The following LHFPL3 variants were observed in gnomAD, a reference collection of about 807,000 sequenced individuals.
The protein encoded by LHFPL3 is LHFPL tetraspan subfamily member 3 protein.
A neutral mutation model predicts 19.3 loss-of-function variants in LHFPL3; 5 were observed. The ratio of observed to expected loss-of-function variants is 0.26; its 90% CI spans 0.14 to 0.54. LHFPL3 has a LOEUF of 0.54. LHFPL3 is among the 20% of genes least tolerant of loss of function. The probability of loss-of-function intolerance (pLI) is 0.94; values close to 1 mark genes in which losing one functional copy is unlikely to be tolerated. For missense variants in LHFPL3, 249 were observed against 307.4 expected, an observed-to-expected ratio of 0.81 and a Z score of 1.42; for synonymous variants, 133 against 126.2, an observed-to-expected ratio of 1.05 and a Z score of -0.36.
At chr7:104,469,966 G>C in intron 1 of LHFPL3, 1 of 455,888 alleles carries the variant, frequency 2.2e-6, no homozygotes. Flanking sequence ...TACGGAAATA[G>C]GTGGTTGCGC....
intron 1 of LHFPL3, among the ~76,000 whole-genome samples, chr7:104,560,976 A>G (rs1789983727): frequency 6.7e-6 from 1 of 149,850 alleles, no homozygotes; most frequent in Admixed American, 6.6e-5. Flanking sequence ...TTCAGTTTCC[A>G]TGTAGTTGAG....
At chr7:104,733,909 C>T (rs1168169511) in intron 1 of LHFPL3, among the ~76,000 whole-genome samples, 1 of 152,178 alleles carries the variant, frequency 6.6e-6, no homozygotes, top group Non-Finnish European at 1.5e-5. Context: ...TCTTGTAGGG[C>T]AGGCCTGGTG....
chr7:104,786,735 C>T (rs770082613), intron 2 of LHFPL3, among the ~76,000 whole-genome samples: 10 of 123,998 alleles, frequency 8.1e-5, no homozygotes, highest in Non-Finnish European at 1.6e-4. Context: ...CTATATAAAA[C>T]TTGAAAAAAA....
chr7:104,646,413 C>T (rs1035984044), intron 1 of LHFPL3, among the ~76,000 whole-genome samples: 3 of 152,162 alleles, frequency 2.0e-5, no homozygotes, highest in Non-Finnish European at 4.4e-5. Context: ...AAAAATAGCA[C>T]TCCAAGTATG....
At position 104,907,373 on chromosome 7, in the gene LHFPL3, A is replaced by C. The variant is rs1315966184; in HGVS notation, c.*1158A>C. 6.6e-6 allele frequency: 1 copy of C among 152,190 alleles called. No homozygotes were observed. The highest frequency in any genetic ancestry group is 2.4e-5 in the African/African-American group (1 of 41,452). 9.4% of individuals were successfully genotyped at this position (152,190 alleles called of 1,614,324 possible). On this transcript the variant is annotated 3_prime_UTR_variant, in exon 3 of 3. Coordinates refer to ENST00000424859, the MANE Select transcript of LHFPL3 (RefSeq NM_199000.3). ...AGGTTGAAAAAAACTCGGTAGGAAT[A>C]AGTTACCTTTTTGTTTACTAATGTT...
chr7:104,646,894 G>A (rs942922703), intron 1 of LHFPL3, among the ~76,000 whole-genome samples: 4 of 152,176 alleles, frequency 2.6e-5, no homozygotes, highest in Non-Finnish European at 5.9e-5. Flanking sequence ...AATAAGCACA[G>A]TGCCTCTCTC....
At chr7:104,703,833 TCTC>T (rs1425919585) in intron 1 of LHFPL3, among the ~76,000 whole-genome samples, 1 of 152,226 alleles carries the variant, frequency 6.6e-6, no homozygotes, top group African/African-American at 2.4e-5. Flanking sequence ...TGGTCAGCTC[TCTC>T]TTCTTTGCAT....
chr7:104,609,481 C>T (rs1406083031), intron 1 of LHFPL3, among the ~76,000 whole-genome samples: 1 of 152,120 alleles, frequency 6.6e-6, no homozygotes, highest in Non-Finnish European at 1.5e-5. Context: ...GAAACATTTT[C>T]TTCTGTTTAA....
At chr7:104,865,919 T>G (rs991814765) in intron 2 of LHFPL3, among the ~76,000 whole-genome samples, 1 of 152,176 alleles carries the variant, frequency 6.6e-6, no homozygotes, top group Non-Finnish European at 1.5e-5. Context: ...GGGGCCAATA[T>G]TCAACGTTCT....
intron 1 of LHFPL3, among the ~76,000 whole-genome samples, chr7:104,723,690 C>T (rs538737400): frequency 2.2e-5 from 3 of 138,262 alleles, no homozygotes; most frequent in Admixed American, 1.6e-4. Context: ...CCATTGCACT[C>T]CAGCCTGGGC....
At chr7:104,761,390 A>G (rs12674283) in intron 2 of LHFPL3, among the ~76,000 whole-genome samples, 31,672 of 152,042 alleles carry the variant, frequency 0.21, 3,702 homozygotes, top group South Asian at 0.43. Context: ...GAAAAAAATC[A>G]TAATAATCCA....
chr7:104,769,611 C>T lies in LHFPL3; in HGVS notation c.682+32700C>T, dbSNP rs376863812. 3.7e-3 allele frequency among the ~76,000 whole-genome samples: 553 copies of T among 149,530 alleles called. 3 individuals are homozygous for T. Among genetic ancestry groups the T allele is most frequent in the African/African-American group, 0.012 (486 of 40,344 alleles). Reference sequence around the variant, plus strand: ...CTGCTAATGCTGTCCCTCTTTTAGCCCCCCCAACCCCCGACAGGCCCCGGT... The same window carrying T: ...CTGCTAATGCTGTCCCTCTTTTAGCTCCCCCAACCCCCGACAGGCCCCGGT... On this transcript the variant is annotated intron_variant, in intron 2 of 2. Coordinates refer to ENST00000424859, the MANE Select transcript of LHFPL3 (RefSeq NM_199000.3).
chr7:104,847,096 A>G (rs898984570), intron 2 of LHFPL3, among the ~76,000 whole-genome samples: 19 of 152,206 alleles, frequency 1.2e-4, no homozygotes, highest in African/African-American at 4.3e-4. Context: ...TGCCCTTTAC[A>G]CAGACCTATC....
At chr7:104,511,977 CAG>C (rs1162022490) in intron 1 of LHFPL3, among the ~76,000 whole-genome samples, 1 of 111,058 alleles carries the variant, frequency 9.0e-6, no homozygotes, top group Non-Finnish European at 1.7e-5. Flanking sequence ...AGGAGGGGAA[CAG>C]AGTCTTGCTC....
chr7:104,792,588 C>T (rs1005769471), intron 2 of LHFPL3, among the ~76,000 whole-genome samples: 2 of 152,186 alleles, frequency 1.3e-5, no homozygotes, highest in Non-Finnish European at 2.9e-5. Context: ...CCCACAAGCA[C>T]TTTGTTCCTG....
chr7:104,336,000 C>T (rs536574612), intron 1 of LHFPL3, among the ~76,000 whole-genome samples: 4 of 152,092 alleles, frequency 2.6e-5, no homozygotes, highest in Non-Finnish European at 5.9e-5. Flanking sequence ...AAGCAAATAA[C>T]GCTCTAGGAG....
At chr7:104,726,375 G>A (rs1326799267) in intron 1 of LHFPL3, among the ~76,000 whole-genome samples, 1 of 151,670 alleles carries the variant, frequency 6.6e-6, no homozygotes, top group Admixed American at 6.6e-5. Flanking sequence ...AGGATGTGCA[G>A]GTTTCTTACC....
intron 1 of LHFPL3, among the ~76,000 whole-genome samples, chr7:104,731,462 G>C (rs1371662879): frequency 6.6e-6 from 1 of 152,088 alleles, no homozygotes; most frequent in Non-Finnish European, 1.5e-5. Context: ...TGGATTCCTA[G>C]GTATTTTATT....
chr7:104,865,551 G>C (rs904433004), intron 2 of LHFPL3, among the ~76,000 whole-genome samples: 40 of 152,252 alleles, frequency 2.6e-4, no homozygotes, highest in Middle Eastern at 6.8e-3. Flanking sequence ...AATGAACAAA[G>C]CCTCCAAGAA....
Sources: allele counts gnomAD v4.1 joint callset (sites outside exome capture counted in the v4.1 genomes callset), GRCh38; gene constraint gnomAD v4.1.1; transcripts MANE v1.5; gene names NCBI Gene and HGNC (gene_info 2026-07-23, HGNC 2026-07-21).